Variants in FLG2 observed in about 807,000 individuals in gnomAD.
FLG2 encodes filaggrin-2.
In FLG2, 7 loss-of-function variants were observed where a neutral mutation model predicts 3.9. The observed-to-expected ratio is 1.79, with a 90% CI of 1.02 to 3.36. FLG2 has a LOEUF of 3.36. Ranked by LOEUF, FLG2 falls within the 30% of genes most tolerant of loss-of-function variation. The pLI, the probability that FLG2 is intolerant of heterozygous loss-of-function variation, is 0.00. For missense variants in FLG2, 2,700 were observed against 2,809.4 expected (o/e 0.96, Z 0.88); for synonymous variants, 1,031 against 1,056.1 (o/e 0.98, Z 0.46).
At position 152,354,087 on chromosome 1, in the gene FLG2, A is replaced by G. The variant is rs78437035; in HGVS notation, c.3699T>C (p.His1233=). 1.7e-3 allele frequency: 2,814 copies of G among 1,614,212 alleles called. 46 individuals are homozygous for G. In the African/African-American group the frequency reaches 0.033, roughly 19 times the overall value. The change falls in exon 3 of 3, where the codon CAT becomes CAC. Residue 1233 remains histidine, a synonymous_variant. Coordinates refer to ENST00000388718, the MANE Select transcript of FLG2 (RefSeq NM_001014342.3). ...SQQVESGSTV[H]GRQETTHGQT... ...GACCATGAGTAGTTTCCTGTCTCCC[A>G]TGAACTGTGGATCCTGACTCTACTT...
chr1:152,358,940 A>G (rs1351868978), intron 1 of FLG2, 34 bp from the exon 2 acceptor site: 3 of 1,536,448 alleles, frequency 2.0e-6, no homozygotes, highest in Non-Finnish European at 1.8e-6. Flanking sequence ...CCTATTATTC[A>G]TATTCTCTCC....
At position 152,353,363 on chromosome 1, in the gene FLG2, T is replaced by C. The variant is rs1654043153; in HGVS notation, c.4423A>G (p.Thr1475Ala). The stretch of plus-strand genomic sequence containing the variant: ...TGATGATAGTGGGCATGTCTAGTGG[T>C]ATCTCCTGTCTGTCCATGAGTAGTT... ...HGTTHGQTGD[T>A]TRHAHYHHGK... is the part of the protein sequence containing the mutation. The change falls in exon 3 of 3, where the codon ACC becomes GCC. Residue 1475 changes from threonine (T) to alanine (A), a missense_variant. Physicochemically the swap from Thr to Ala is moderately conservative, Grantham distance 58. Transcript: ENST00000388718. 4.3e-6 allele frequency: 7 copies of C among 1,611,424 alleles called. No individual in the cohort carries two copies. The highest frequency in any genetic ancestry group is 1.7e-5 in the Admixed American group (1 of 59,686).
chr1:152,352,485 A>T lies in FLG2; in HGVS notation c.5301T>A (p.His1767Gln), dbSNP rs1291076895. The T allele has an allele frequency of 4.4e-6, 7 of 1,606,870 alleles. No homozygotes were observed. Among genetic ancestry groups the T allele is most frequent in the Non-Finnish European group, 3.4e-6 (4 of 1,177,768 alleles). ...CGCCTGTCTGTCCATGTATAGTTCCATGTCTCTCATGAACTATGGATTCTG... is the reference window on the plus strand; with the variant it reads ...CGCCTGTCTGTCCATGTATAGTTCCTTGTCTCTCATGAACTATGGATTCTG... ...GESESIVHER[H>Q]GTIHGQTGDT... The change falls in exon 3 of 3, where the codon CAT becomes CAA. Residue 1767 changes from histidine to glutamine, a missense_variant. Transcript: ENST00000388718.
chr1:152,351,071 G>A lies in FLG2; in HGVS notation c.6715C>T (p.Gln2239Ter). The A allele has an allele frequency of 6.2e-7, 1 of 1,613,482 alleles. No homozygotes were observed. The highest frequency in any genetic ancestry group is 8.5e-7 in the Non-Finnish European group (1 of 1,179,882). Residue 2239 changes from glutamine (Q) to a stop codon, truncating the protein, a stop_gained, in exon 3 of 3, where the codon CAA becomes TAA. Coordinates refer to ENST00000388718, the MANE Select transcript of FLG2 (RefSeq NM_001014342.3). LOFTEE classifies it low-confidence loss of function (END_TRUNC). ...GTCCTGGACCCTCTCTGTGTGGATT[G>A]TCCATAACCATAGTGGGCATGTCTA... ...TTRHAHYGYG[Q>*]STQRGSRTTG...
At position 152,353,710 on chromosome 1, in the gene FLG2, AC is replaced by A; in HGVS notation, c.4075del (p.Val1359SerfsTer177). On this transcript the variant is annotated frameshift_variant, in exon 3 of 3. Transcript: ENST00000388718. LOFTEE classifies it low-confidence loss of function (END_TRUNC). ...TTCTTGTGAGTGTGGTCTATGTGAG[AC>A]CCCTGAGTGCACTTCACTGTCAGTG... ...DATDSEVHSG[V>X]SHRPHSQEQT... The A allele has an allele frequency of 6.2e-7, 1 of 1,600,778 alleles. No individual in the cohort carries two copies. Among genetic ancestry groups the A allele is most frequent in the Non-Finnish European group, 8.5e-7 (1 of 1,175,136 alleles).
chr1:152,354,667 T>G lies in FLG2; in HGVS notation c.3119A>C (p.Gln1040Pro), dbSNP rs1654121520. ...GGACTGATCTGAGCCTGATCCATGT[T>G]GTCCAAAGCCTGAGTATTGGCCTGA... ...SSSGQYSGFG[Q>P]HGSGSDQSSG... Residue 1040 changes from glutamine (Q) to proline (P), a missense_variant, in exon 3 of 3, where the codon CAA becomes CCA. Gln to Pro is a moderately conservative substitution (Grantham distance 76). Transcript: ENST00000388718. 6.2e-7 allele frequency: 1 copy of G among 1,614,006 alleles called. No homozygotes were observed. The highest frequency in any genetic ancestry group is 1.1e-5 in the South Asian group (1 of 91,080).
rs12736623 is a variant in FLG2 at position 152,351,103 on chromosome 1, T to A, written c.6683A>T (p.Asp2228Val). The change falls in exon 3 of 3, where the codon GAT becomes GTT. Residue 2228 changes from aspartate to valine, a missense_variant. Asp to Val is a radical substitution (Grantham distance 152). Coordinates refer to ENST00000388718, the MANE Select transcript of FLG2 (RefSeq NM_001014342.3). ...ACCATAGTGGGCATGTCTAGTGGTA[T>A]CTCCTGTCTGTCCATGAGTAGTTCC... ...RQGTTHGQTGDTTRHAHYGYG... is the reference protein window; with the variant it reads ...RQGTTHGQTGVTTRHAHYGYG... The A allele has an allele frequency of 1.2e-6, 2 of 1,613,934 alleles. No homozygotes were observed. Among genetic ancestry groups the A allele is most frequent in the Admixed American group, 3.3e-5 (2 of 60,014 alleles).
At position 152,358,840 on chromosome 1, in the gene FLG2, G is replaced by A; in HGVS notation, c.45C>T (p.Phe15=). 1 of 1,613,950 alleles carries A rather than the reference G, an allele frequency of 6.2e-7. No individual in the cohort carries two copies. The highest frequency in any genetic ancestry group is 8.5e-7 in the Non-Finnish European group (1 of 1,179,888). ...CCCCATCTTGCTTGGTGTATTTGTA[G>A]AAAACATCAATTACGGTGACAACAC... ...LRSVVTVIDV[F]YKYTKQDGEC... The change falls in exon 2 of 3, where the codon TTC becomes TTT. Residue 15 remains phenylalanine, a synonymous_variant. Coordinates refer to ENST00000388718, the MANE Select transcript of FLG2 (RefSeq NM_001014342.3).
Position 152,353,712 on chromosome 1 carries a change from C to G in FLG2, c.4074G>C (p.Gly1358=). The G allele has an allele frequency of 1.9e-6, 3 of 1,614,082 alleles. No homozygotes were observed. The highest frequency in any genetic ancestry group is 2.5e-6 in the Non-Finnish European group (3 of 1,180,008). The change falls in exon 3 of 3, where the codon GGG becomes GGC. Residue 1358 remains glycine (G), a synonymous_variant. Transcript: ENST00000388718. ...SDATDSEVHS[G]VSHRPHSQEQ... ...CTTGTGAGTGTGGTCTATGTGAGACCCCTGAGTGCACTTCACTGTCAGTGG... is the reference window on the plus strand; with the variant it reads ...CTTGTGAGTGTGGTCTATGTGAGACGCCTGAGTGCACTTCACTGTCAGTGG...
Position 152,350,061 on chromosome 1 carries a change from C to T in FLG2, c.*549G>A, listed in dbSNP as rs1437660554. Reference sequence around the variant, plus strand: ...CATTGGTACTGAATCCAGACTGACCCTAGGCATCTCTTGATGGCCCATGAC... The same window carrying T: ...CATTGGTACTGAATCCAGACTGACCTTAGGCATCTCTTGATGGCCCATGAC... On this transcript the variant is annotated 3_prime_UTR_variant, in exon 3 of 3. Transcript: ENST00000388718. The T allele has an allele frequency of 6.3e-6, 1 of 159,030 alleles. No homozygotes were observed. Among genetic ancestry groups the T allele is most frequent in the Admixed American group, 5.8e-5 (1 of 17,162 alleles). 9.9% of individuals were successfully genotyped at this position (159,030 alleles called of 1,614,324 possible). A position where few individuals can be genotyped will look rare whatever the true frequency, so the allele number is the denominator to read the frequency against.
chr1:152,351,872 A>T lies in FLG2; in HGVS notation c.5914T>A (p.Ser1972Thr), dbSNP rs144875878. 1.5e-3 allele frequency: 2,460 copies of T among 1,610,342 alleles called. 4 individuals carry two copies. Among genetic ancestry groups the T allele is most frequent in the Non-Finnish European group, 1.9e-3 (2,280 of 1,178,342 alleles). ...EGPSGVSHTH[S>T]GHTHGQAGSH... ...CCAGCTTGACCGTGAGTGTGTCCTGAATGTGTGTGTGAGACCCCTGAGGGC... is the reference window on the plus strand; with the variant it reads ...CCAGCTTGACCGTGAGTGTGTCCTGTATGTGTGTGTGAGACCCCTGAGGGC... Residue 1972 changes from serine (S) to threonine (T), a missense_variant, in exon 3 of 3, where the codon TCA becomes ACA. Transcript: ENST00000388718.
At position 152,353,900 on chromosome 1, in the gene FLG2, C is replaced by G. The variant is rs773674266; in HGVS notation, c.3886G>C (p.Ala1296Pro). 5.0e-6 allele frequency: 8 copies of G among 1,613,918 alleles called. No individual in the cohort carries two copies. Among genetic ancestry groups the G allele is most frequent in the Non-Finnish European group, 6.8e-6 (8 of 1,179,934 alleles). Residue 1296 changes from alanine to proline, a missense_variant, in exon 3 of 3, where the codon GCT becomes CCT. By Grantham distance (27) the Ala-to-Pro change is conservative. Coordinates refer to ENST00000388718, the MANE Select transcript of FLG2 (RefSeq NM_001014342.3). ...CCTGACTTTGGGTAGTGAGATCCAG[C>G]TTGTGTGTGAATGTGTTCTGAATGT... The part of the protein sequence containing the change: ...HRHSEHIHTQ[A>P]GSHYPKSGST...
Position 152,355,769 on chromosome 1 carries a change from A to G in FLG2, c.2017T>C (p.Ser673Pro), listed in dbSNP as rs1298155214. 2 of 1,613,426 alleles carry G rather than the reference A, an allele frequency of 1.2e-6. No homozygotes were observed. Among genetic ancestry groups the G allele is most frequent in the Admixed American group, 3.3e-5 (2 of 59,974 alleles). ...AAACCAGAGGATTGTCCTGAGCCAG[A>G]AACATGTTGTCCAAAGCCAGAGGAC... ...GQSSGFGQHV[S>P]GSGQSSGFGQ... The change falls in exon 3 of 3, where the codon TCT becomes CCT. Residue 673 changes from serine to proline, a missense_variant. Transcript: ENST00000388718.
chr1:152,357,704 T>A, intron 2 of FLG2, 57 bp from the exon 3 acceptor site: 1 of 1,201,780 alleles, frequency 8.3e-7, no homozygotes, highest in Non-Finnish European at 1.2e-6. Context: ...CATACTCAAC[T>A]AACACATTTA....
rs968674403 is a variant in FLG2, at chr1:152,356,899, C to A, written c.887G>T (p.Ser296Ile). 6.2e-7 allele frequency: 1 copy of A among 1,614,174 alleles called. No individual in the cohort carries two copies. The highest frequency in any genetic ancestry group is 8.5e-7 in the Non-Finnish European group (1 of 1,180,032). The change falls in exon 3 of 3, where the codon AGT becomes ATT. Residue 296 changes from serine to isoleucine, a missense_variant. Transcript: ENST00000388718. ...TCCAAATCTATGTGACTGACAAGAACTTGAAGCATTTTGTGGCCTTCCACA... is the reference window on the plus strand; with the variant it reads ...TCCAAATCTATGTGACTGACAAGAAATTGAAGCATTTTGTGGCCTTCCACA... The part of the protein sequence containing the change: ...SGCGRPQNAS[S>I]SCQSHRFGGQ...
chr1:152,352,013 G>A lies in FLG2; in HGVS notation c.5773C>T (p.Gln1925Ter). ...CCATGTTCAGTGGTATCTCCTGTCT[G>A]TCCATGAGTAGTTTGGTGTCTCTTG... ...VHKRHQTTHG[Q>*]TGDTTEHGHP... The change falls in exon 3 of 3, where the codon CAG (glutamine) becomes TAG (stop). Residue 1925 changes from glutamine to a stop codon, truncating the protein, a stop_gained. Coordinates refer to ENST00000388718, the MANE Select transcript of FLG2 (RefSeq NM_001014342.3). LOFTEE classifies it low-confidence loss of function (END_TRUNC). 4 of 1,613,914 alleles carry A rather than the reference G, an allele frequency of 2.5e-6. No homozygotes were observed. Among genetic ancestry groups the A allele is most frequent in the Non-Finnish European group, 3.4e-6 (4 of 1,179,960 alleles).
In FLG2 at chr1:152,355,006, G is replaced by T. The variant is rs762019580; in HGVS notation, c.2780C>A (p.Ser927Tyr). 2.1e-5 allele frequency: 33 copies of T among 1,587,102 alleles called. 1 individual carries two copies. The highest frequency in any genetic ancestry group is 1.1e-4 in the Admixed American group (6 of 56,660). The change falls in exon 3 of 3, where the codon TCT (serine) becomes TAT (tyrosine). Residue 927 changes from serine (S) to tyrosine (Y), a missense_variant. By Grantham distance (144) the Ser-to-Tyr change is moderately radical. Transcript: ENST00000388718. ...SHQSSYGQHG[S>Y]GSSQSSGYGQ... Reference sequence around the variant, plus strand: ...ATAGCCAGATGACTGACTTGAGCCAGAACCATGTTGGCCATAGCTAGACTG... The same window carrying T: ...ATAGCCAGATGACTGACTTGAGCCATAACCATGTTGGCCATAGCTAGACTG...
rs1654194281 is a variant in FLG2, at chr1:152,355,754, A to G, written c.2032T>C (p.Ser678Pro). 1.9e-6 allele frequency: 3 copies of G among 1,613,696 alleles called. No individual in the cohort carries two copies. The highest frequency in any genetic ancestry group is 1.7e-6 in the Non-Finnish European group (2 of 1,179,986). Residue 678 changes from serine (S) to proline (P), a missense_variant, in exon 3 of 3, where the codon TCC becomes CCC. By Grantham distance (74) the Ser-to-Pro change is moderately conservative. Transcript: ENST00000388718. ...GACTCATGTTGTCCAAAACCAGAGG[A>G]TTGTCCTGAGCCAGAAACATGTTGT... The part of the protein sequence containing the change: ...FGQHVSGSGQ[S>P]SGFGQHESRS...
Position 152,357,411 on chromosome 1 carries a change from A to T in FLG2, c.375T>A (p.His125Gln). ...AACTTGAATGTCTGTAACCTGATTT[A>T]TGTCCTGGTGTATCCTCTTCATCCT... The part of the protein sequence containing the change: ...TEEDEEDTPG[H>Q]KSGYRHSSWS... The change falls in exon 3 of 3, where the codon CAT (histidine) becomes CAA (glutamine). Residue 125 changes from histidine (H) to glutamine (Q), a missense_variant. Physicochemically the swap from His to Gln is conservative, Grantham distance 24. Coordinates refer to ENST00000388718, the MANE Select transcript of FLG2 (RefSeq NM_001014342.3). The T allele has an allele frequency of 6.2e-7, 1 of 1,613,852 alleles. No homozygotes were observed. Among genetic ancestry groups the T allele is most frequent in the Non-Finnish European group, 8.5e-7 (1 of 1,179,964 alleles).
Sources: allele counts gnomAD v4.1 joint callset, GRCh38; gene constraint gnomAD v4.1.1; transcripts MANE v1.5; gene names NCBI Gene and HGNC (gene_info 2026-07-23, HGNC 2026-07-21).